The following VSTM4 variants were observed in gnomAD, a reference collection of about 807,000 sequenced individuals.
VSTM4 encodes V-set and transmembrane domain-containing protein 4.
A neutral mutation model predicts 36.4 loss-of-function variants in VSTM4; 20 were observed. The observed-to-expected ratio is 0.55, with a 90% CI of 0.39 to 0.80. The LOEUF (loss-of-function observed/expected upper bound fraction) is 0.80, where lower values mean the gene tolerates loss of function less well. Ranked by LOEUF, VSTM4 falls within the 30% of genes least tolerant of loss-of-function variation. The pLI, the probability that VSTM4 is intolerant of heterozygous loss-of-function variation, is 0.00. For missense variants in VSTM4, 392 were observed against 404.5 expected (o/e 0.97, Z 0.26); for synonymous variants, 182 against 173.9 (o/e 1.05, Z -0.37).
At chr10:49,056,548 A>G (rs935169575) in intron 5 of VSTM4, among the ~76,000 whole-genome samples, 3 of 152,186 alleles carry the variant, frequency 2.0e-5, no homozygotes, top group Non-Finnish European at 4.4e-5. Flanking sequence ...AAGGCCATGG[A>G]TGGATGCATG....
chr10:49,107,789 C>T lies in VSTM4; in HGVS notation c.262G>A (p.Gly88Arg), dbSNP rs1345927844. The change falls in exon 2 of 8, where the codon GGG becomes AGG. Residue 88 changes from glycine (G) to arginine (R), a missense_variant. Physicochemically the swap from Gly to Arg is moderately radical, Grantham distance 125. Coordinates refer to ENST00000332853, the MANE Select transcript of VSTM4 (RefSeq NM_001031746.5). ...CGTTTGGCGCTGCGGCTGAAATTCC[C>T]ATAGTACTGCACCACCCGGAGCTTG... ...MTKLRVVQYY[G>R]NFSRSAKRRR... The T allele has an allele frequency of 6.2e-7, 1 of 1,614,286 alleles. No individual in the cohort carries two copies. Among genetic ancestry groups the T allele is most frequent in the African/African-American group, 1.3e-5 (1 of 75,076 alleles).
chr10:49,057,058 C>A (rs998115498), intron 5 of VSTM4, among the ~76,000 whole-genome samples: 1 of 151,894 alleles, frequency 6.6e-6, no homozygotes, highest in African/African-American at 2.4e-5. Flanking sequence ...AACTAGATCT[C>A]GTGTGAATTC....
At chr10:49,114,558 G>T (rs1020579380) in intron 1 of VSTM4, among the ~76,000 whole-genome samples, 10 of 150,506 alleles carry the variant, frequency 6.6e-5, no homozygotes, top group African/African-American at 2.2e-4. Flanking sequence ...TCCTTCAGAG[G>T]TTATTGGTGA....
chr10:49,082,606 C>T (rs559880954), intron 3 of VSTM4, among the ~76,000 whole-genome samples: 17 of 152,168 alleles, frequency 1.1e-4, no homozygotes, highest in Admixed American at 6.5e-4. Context: ...ACCCAGGAGG[C>T]GGAGGTTGCA....
chr10:49,025,724 A>G (rs2131934127), intron 7 of VSTM4, among the ~76,000 whole-genome samples: 1 of 152,324 alleles, frequency 6.6e-6, no homozygotes, highest in Admixed American at 6.5e-5. Context: ...CATCTGAGCA[A>G]TGCACCTGGC....
intron 7 of VSTM4, among the ~76,000 whole-genome samples, chr10:49,035,809 C>A (rs1340994533): frequency 6.6e-6 from 1 of 152,098 alleles, no homozygotes; most frequent in East Asian, 1.9e-4. Flanking sequence ...GCACTCCAGC[C>A]TGGGCAATAG....
chr10:49,079,726 G>T (rs1844244631), intron 3 of VSTM4, among the ~76,000 whole-genome samples: 1 of 152,082 alleles, frequency 6.6e-6, no homozygotes, highest in East Asian at 1.9e-4. Context: ...GCCCAGCCTG[G>T]GGAGGCTGAG....
intron 2 of VSTM4, among the ~76,000 whole-genome samples, chr10:49,098,698 C>A (rs1035060861): frequency 2.0e-5 from 3 of 152,212 alleles, no homozygotes; most frequent in Non-Finnish European, 4.4e-5. Flanking sequence ...AGGACATCTC[C>A]AACATTGCCC....
At chr10:49,087,571 G>A (rs970318606) in intron 2 of VSTM4, among the ~76,000 whole-genome samples, 13 of 152,090 alleles carry the variant, frequency 8.5e-5, no homozygotes, top group African/African-American at 2.9e-4. Context: ...TATAGAATCC[G>A]CTCTATTTCT....
chr10:49,112,858 A>G (rs1844922220), intron 1 of VSTM4, among the ~76,000 whole-genome samples: 1 of 152,230 alleles, frequency 6.6e-6, no homozygotes, highest in Non-Finnish European at 1.5e-5. Context: ...CCCCTTGCTT[A>G]TATTTGAATA....
Position 49,054,851 on chromosome 10 carries a change from A to T in VSTM4, c.669-6267T>A, listed in dbSNP as rs548112112. 5.9e-5 allele frequency among the ~76,000 whole-genome samples: 9 copies of T among 152,258 alleles called. No individual in the cohort carries two copies. The East Asian group carries it at 1.7e-3, about 29-fold the overall frequency. ...CCTTCTAATATAGTCTCTCTCTGGG[A>T]TGTGCAGGAGGTGCAGCGAACTGTG... On this transcript the variant is annotated intron_variant, in intron 5 of 7. Transcript: ENST00000332853.
intron 3 of VSTM4, among the ~76,000 whole-genome samples, chr10:49,082,590 G>A (rs890734297): frequency 2.0e-5 from 3 of 152,154 alleles, no homozygotes; most frequent in African/African-American, 7.2e-5. Context: ...CAGGAGAACT[G>A]CTTGAACCCA....
chr10:49,084,419 G>A lies in VSTM4; in HGVS notation c.526+1536C>T, dbSNP rs1021228860. On this transcript the variant is annotated intron_variant, in intron 3 of 7. Coordinates refer to ENST00000332853, the MANE Select transcript of VSTM4 (RefSeq NM_001031746.5). ...ATTAATCCTAGAGGCCTATGTGGGT[G>A]ACACCTTATGGTCTGCAAACGATGT... 4.6e-5 allele frequency among the ~76,000 whole-genome samples: 7 copies of A among 152,230 alleles called. No individual in the cohort carries two copies. In the East Asian group the frequency reaches 9.6e-4, roughly 21 times the overall value.
chr10:49,039,144 G>T (rs1369830895), intron 7 of VSTM4, among the ~76,000 whole-genome samples: 1 of 152,150 alleles, frequency 6.6e-6, no homozygotes, highest in Non-Finnish European at 1.5e-5. Flanking sequence ...GGGCAGAGGG[G>T]AGGAGGCCTC....
chr10:49,114,723 G>A (rs1025551597), intron 1 of VSTM4, among the ~76,000 whole-genome samples: 2 of 152,154 alleles, frequency 1.3e-5, no homozygotes, highest in African/African-American at 4.8e-5. Context: ...TATTATTCCA[G>A]CCAGTACGGC....
In VSTM4 at chr10:49,107,976, A is replaced by G. The variant is rs1844821118; in HGVS notation, c.75T>C (p.Asn25=). Residue 25 remains asparagine, a synonymous_variant, in exon 2 of 8, where the codon AAT becomes AAC. Transcript: ENST00000332853. ...CCACGGGCCCCGGGGACACAGTGAC[A>G]TTGAGGGCCGCACAGACCTCTGCAG... The part of the protein sequence containing the change: ...APAPEVCAAL[N]VTVSPGPVVD... The G allele has an allele frequency of 1.9e-6, 3 of 1,588,642 alleles. No homozygotes were observed. In the South Asian group the frequency reaches 3.4e-5, roughly 18 times the overall value.
In VSTM4 at chr10:49,077,226, T is replaced by C. The variant is rs1844194688; in HGVS notation, c.627A>G (p.Lys209=). 1 of 1,613,878 alleles carries C rather than the reference T, an allele frequency of 6.2e-7. No homozygotes were observed. Among genetic ancestry groups the C allele is most frequent in the Non-Finnish European group, 8.5e-7 (1 of 1,180,046 alleles). The change falls in exon 4 of 8, where the codon AAA becomes AAG. Residue 209 remains lysine, a synonymous_variant. Coordinates refer to ENST00000332853, the MANE Select transcript of VSTM4 (RefSeq NM_001031746.5). ...CCTTATCTGTTTTCTTACCTCTGGA[T>C]TTCCGCTTGTTAAACACAGACTGCC... ...IVWQSVFNKR[K]SRVRHYLVKC...
chr10:49,040,236 A>T (rs546899455), intron 7 of VSTM4, among the ~76,000 whole-genome samples: 20 of 152,298 alleles, frequency 1.3e-4, no homozygotes, highest in Non-Finnish European at 1.5e-5. Flanking sequence ...AAAAAAGGAA[A>T]AGCAGTTTTG....
At chr10:49,033,886 A>G (rs1174518614) in intron 7 of VSTM4, among the ~76,000 whole-genome samples, 1 of 152,048 alleles carries the variant, frequency 6.6e-6, no homozygotes, top group African/African-American at 2.4e-5. Context: ...TATCATCATT[A>G]TTACCACCGC....
Sources: allele counts gnomAD v4.1 joint callset (sites outside exome capture counted in the v4.1 genomes callset), GRCh38; gene constraint gnomAD v4.1.1; transcripts MANE v1.5; gene names NCBI Gene and HGNC (gene_info 2026-07-23, HGNC 2026-07-21).